The following PDLIM4 variants were observed in gnomAD, a reference collection of about 807,000 sequenced individuals.
The protein encoded by PDLIM4 is PDZ and LIM domain protein 4.
Under a neutral mutation model 31.3 loss-of-function variants are expected in PDLIM4, and 19 were observed. The observed-to-expected ratio is 0.61, with a 90% CI of 0.42 to 0.89. PDLIM4 has a LOEUF of 0.89. Ranked by LOEUF, PDLIM4 falls within the 40% of genes least tolerant of loss-of-function variation. The probability of loss-of-function intolerance (pLI) is 0.00; values close to 1 mark genes in which losing one functional copy is unlikely to be tolerated. For missense variants in PDLIM4, 442 were observed against 461.1 expected (o/e 0.96, Z 0.38); for synonymous variants, 176 against 190.1 (o/e 0.93, Z 0.61).
At chr5:132,265,851 T>C (rs1756480083) in intron 2 of PDLIM4, among the ~76,000 whole-genome samples, 1 of 152,180 alleles carries the variant, frequency 6.6e-6, no homozygotes, top group Non-Finnish European at 1.5e-5. Context: ...AGGTTTATGA[T>C]GTTTTTCTCC....
At chr5:132,269,795 C>G (rs114072878) in intron 3 of PDLIM4, among the ~76,000 whole-genome samples, 2,438 of 152,290 alleles carry the variant, frequency 0.016, 74 homozygotes, top group African/African-American at 0.056. Flanking sequence ...CTAAGACCTA[C>G]CCCATGGCCT....
chr5:132,259,764 C>T (rs537196319), intron 1 of PDLIM4, among the ~76,000 whole-genome samples: 4 of 152,298 alleles, frequency 2.6e-5, no homozygotes, highest in Admixed American at 1.3e-4. Flanking sequence ...GGCTATCGGC[C>T]CGGCAGGGCT....
At chr5:132,268,511 G>A (rs1756539185) in intron 3 of PDLIM4, among the ~76,000 whole-genome samples, 1 of 152,234 alleles carries the variant, frequency 6.6e-6, no homozygotes, top group Non-Finnish European at 1.5e-5. Flanking sequence ...GGGGCGATAG[G>A]AGAACCTCCT....
intron 5 of PDLIM4, 107 bp from the exon 6 acceptor site, chr5:132,271,684 C>G (rs775842098): frequency 1.0e-6 from 1 of 1,001,390 alleles, no homozygotes; most frequent in Non-Finnish European, 1.6e-6. Flanking sequence ...AAACCCGTTC[C>G]CCAGTCTCGG....
At chr5:132,264,161 C>A (rs1289027635) in intron 2 of PDLIM4, among the ~76,000 whole-genome samples, 1 of 152,136 alleles carries the variant, frequency 6.6e-6, no homozygotes, top group East Asian at 1.9e-4. Flanking sequence ...TCAGAGGGGG[C>A]CTGAGTCAGG....
At chr5:132,264,201 G>C (rs149746631) in intron 2 of PDLIM4, among the ~76,000 whole-genome samples, 3,958 of 152,194 alleles carry the variant, frequency 0.026, 138 homozygotes, top group Admixed American at 0.057. Context: ...TGTCAGCGGA[G>C]GGTGGTGGGG....
In PDLIM4 at chr5:132,272,344, G is replaced by A. The variant is rs1012024320; in HGVS notation, c.*115G>A. The A allele has an allele frequency of 2.3e-6, 2 of 851,458 alleles. No individual in the cohort carries two copies. The highest frequency in any genetic ancestry group is 3.8e-6 in the Non-Finnish European group (2 of 526,870). The allele number at this position is 851,458 out of a possible 1,614,324, so 52.7% of individuals were successfully genotyped here. On this transcript the variant is annotated 3_prime_UTR_variant, in exon 7 of 7. Coordinates refer to ENST00000253754, the MANE Select transcript of PDLIM4 (RefSeq NM_003687.4). Reference sequence around the variant, plus strand: ...TGCTCCACCTTGAACCTGTCACCTGGCCTGCCACCCTCCTGCGCAGGCCAT... The same window carrying A: ...TGCTCCACCTTGAACCTGTCACCTGACCTGCCACCCTCCTGCGCAGGCCAT...
chr5:132,271,740 G>A (rs1342305501), intron 5 of PDLIM4, 51 bp from the exon 6 acceptor site: 1 of 1,268,740 alleles, frequency 7.9e-7, no homozygotes, highest in Non-Finnish European at 1.2e-6. Context: ...CCGCAGAAAT[G>A]GAGTTCTGAC....
In PDLIM4 at chr5:132,271,438, G is replaced by T. The variant is rs774898639; in HGVS notation, c.642G>T (p.Leu214Phe). 4.4e-6 allele frequency: 7 copies of T among 1,609,104 alleles called. No homozygotes were observed. In the East Asian group the frequency reaches 1.6e-4, roughly 36 times the overall value. The change falls in exon 5 of 7, where the codon TTG becomes TTT. Residue 214 changes from leucine to phenylalanine, a missense_variant. Leu to Phe is a conservative substitution (Grantham distance 22). Coordinates refer to ENST00000253754, the MANE Select transcript of PDLIM4 (RefSeq NM_003687.4). ...EPKQSGSFRY[L>F]QGMLEAGEGG... ...AGCAGTCAGGCTCCTTCCGCTACTTGCAGGGCATGCTAGAGGCCGGCGAGG... is the reference window on the plus strand; with the variant it reads ...AGCAGTCAGGCTCCTTCCGCTACTTTCAGGGCATGCTAGAGGCCGGCGAGG...
chr5:132,265,407 A>C lies in PDLIM4; in HGVS notation c.246-1057A>C, dbSNP rs565660326. On this transcript the variant is annotated intron_variant, in intron 2 of 6. Transcript: ENST00000253754. ...GTTAGAGCTGTGAGTTAGGGTACCC[A>C]CTTGGGAGCCTGGTTGAGGGGGCTA... 4.6e-5 allele frequency among the ~76,000 whole-genome samples: 7 copies of C among 152,248 alleles called. No homozygotes were observed. The South Asian group carries it at 1.5e-3, about 32-fold the overall frequency.
chr5:132,272,037 C>G lies in PDLIM4; in HGVS notation c.801C>G (p.Val267=). Residue 267 remains valine (V), a synonymous_variant, in exon 7 of 7, where the codon GTC becomes GTG. Transcript: ENST00000253754. ...RCGHGIVGTI[V]KARDKLYHPE... The stretch of plus-strand genomic sequence containing the variant: ...TTCCCCCCATCAGGGGCACCATCGT[C>G]AAGGCACGGGACAAGCTCTACCATC... 1 of 1,614,214 alleles carries G rather than the reference C, an allele frequency of 6.2e-7. No homozygotes were observed. The highest frequency in any genetic ancestry group is 8.5e-7 in the Non-Finnish European group (1 of 1,179,994).
At position 132,257,896 on chromosome 5, in the gene PDLIM4, G is replaced by A; in HGVS notation, c.93+69G>A. On this transcript the variant is annotated intron_variant, in intron 1 of 6. Coordinates refer to ENST00000253754, the MANE Select transcript of PDLIM4 (RefSeq NM_003687.4). This position sits in a 1 kb window ranked among gnomAD's most constrained non-coding sequence, Gnocchi z 4.3. ...AGACCGGGTTCTCGCGGTCCGCCCG[G>A]GACCCAGATCCCCTGTGTATCCGAG... 1.1e-6 allele frequency: 1 copy of A among 895,572 alleles called. No individual in the cohort carries two copies. The highest frequency in any genetic ancestry group is 1.6e-6 in the Non-Finnish European group (1 of 629,590). 55.5% of individuals were successfully genotyped at this position (895,572 alleles called of 1,614,324 possible). A position where few individuals can be genotyped will look rare whatever the true frequency, so the allele number is the denominator to read the frequency against.
Position 132,272,034 on chromosome 5 carries a change from C to T in PDLIM4, c.798C>T (p.Ile266=), listed in dbSNP as rs376699492. 5.6e-6 allele frequency: 9 copies of T among 1,614,014 alleles called. No homozygotes were observed. The highest frequency in any genetic ancestry group is 7.6e-6 in the Non-Finnish European group (9 of 1,179,936). ...TRCGHGIVGT[I]VKARDKLYHP... is the part of the protein sequence containing the mutation. The stretch of plus-strand genomic sequence containing the variant: ...TCGTTCCCCCCATCAGGGGCACCAT[C>T]GTCAAGGCACGGGACAAGCTCTACC... The change falls in exon 7 of 7, where the codon ATC becomes ATT. Residue 266 remains isoleucine, a synonymous_variant. Coordinates refer to ENST00000253754, the MANE Select transcript of PDLIM4 (RefSeq NM_003687.4).
intron 2 of PDLIM4, among the ~76,000 whole-genome samples, chr5:132,264,968 T>G (rs2126674873): frequency 6.6e-6 from 1 of 152,190 alleles, no homozygotes; most frequent in African/African-American, 2.4e-5. Context: ...CCACTGGGCT[T>G]CTTTTGCTTT....
intron 6 of PDLIM4, 33 bp downstream of exon 6, chr5:132,271,941 C>G (rs781012152): frequency 6.3e-6 from 10 of 1,593,606 alleles, no homozygotes; most frequent in Non-Finnish European, 8.6e-6. Flanking sequence ...CCTCCCGGAC[C>G]CTAGCCTTCC....
Position 132,273,247 on chromosome 5 carries a change from T to C in PDLIM4, c.*1018T>C, listed in dbSNP as rs1756672034. Reference sequence around the variant, plus strand: ...GGGAGAAGAAACTGACTCGTTTTATTTAGTGCCTATTTAGCGAGCCCAGAG... The same window carrying C: ...GGGAGAAGAAACTGACTCGTTTTATCTAGTGCCTATTTAGCGAGCCCAGAG... On this transcript the variant is annotated 3_prime_UTR_variant, in exon 7 of 7. Transcript: ENST00000253754. 1 of 152,334 alleles carries C rather than the reference T, an allele frequency of 6.6e-6. No homozygotes were observed. The highest frequency in any genetic ancestry group is 1.5e-5 in the Non-Finnish European group (1 of 68,040). 9.4% of individuals were successfully genotyped at this position (152,334 alleles called of 1,614,324 possible).
chr5:132,269,353 C>A (rs1203731999), intron 3 of PDLIM4, among the ~76,000 whole-genome samples: 1 of 151,656 alleles, frequency 6.6e-6, no homozygotes, highest in East Asian at 1.9e-4. Flanking sequence ...TGAGCCCCAC[C>A]CCCACTGGCC....
At chr5:132,262,540 G>C in intron 1 of PDLIM4, 69 bp from the exon 2 acceptor site, 1 of 1,416,344 alleles carries the variant, frequency 7.1e-7, no homozygotes, top group Non-Finnish European at 9.5e-7. Context: ...GTTGGAGGAG[G>C]CCTAGGGCAC....
intron 3 of PDLIM4, among the ~76,000 whole-genome samples, chr5:132,269,550 G>A (rs1311763041): frequency 1.3e-5 from 2 of 151,616 alleles, no homozygotes; most frequent in Admixed American, 6.6e-5. Flanking sequence ...CTGTTGGGGT[G>A]GGGGAAATGG....
Sources: allele counts gnomAD v4.1 joint callset (sites outside exome capture counted in the v4.1 genomes callset), GRCh38; gene constraint gnomAD v4.1.1; non-coding constraint Gnocchi (gnomAD v3.1); transcripts MANE v1.5; gene names NCBI Gene and HGNC (gene_info 2026-07-23, HGNC 2026-07-21).